ELP5: variants seen among roughly 807,000 people sequenced by gnomAD.
ELP5 encodes elongator acetyltransferase complex subunit 5, also known as elongator complex protein 5.
In ELP5, 34 loss-of-function variants were observed where a neutral mutation model predicts 33.4. The ratio of observed to expected loss-of-function variants is 1.02; its 90% CI spans 0.78 to 1.36. ELP5 has a LOEUF of 1.36. Ranked by LOEUF, ELP5 falls within the 40% of genes most tolerant of loss-of-function variation. The pLI, the probability that ELP5 is intolerant of heterozygous loss-of-function variation, is 0.00. For synonymous variants in ELP5, 161 were observed against 146.4 expected, an observed-to-expected ratio of 1.10 and a Z score of -0.72; for missense variants, 373 against 371.7, an observed-to-expected ratio of 1.00 and a Z score of -0.03.
intron 7 of ELP5, chr17:7,259,279 C>A: frequency 7.3e-7 from 1 of 1,376,196 alleles, no homozygotes; most frequent in Non-Finnish European, 9.4e-7. Flanking sequence ...GGGCTTAGTA[C>A]ACGCTTGCTG....
Position 7,256,734 on chromosome 17 carries a change from A to G in ELP5, c.410-123A>G, listed in dbSNP as rs974669965. The G allele has an allele frequency of 7.0e-5, 67 of 951,702 alleles. No homozygotes were observed. In the Admixed American group the frequency reaches 1.3e-3, roughly 19 times the overall value. The allele number at this position is 951,702 out of a possible 1,614,324, so 59.0% of individuals were successfully genotyped here. On this transcript the variant is annotated intron_variant, in intron 4 of 7. Transcript: ENST00000396628. Reference sequence around the variant, plus strand: ...TCAGAGCACGGTAGTGAGATTGGCCAAGGGACGTCAGGATTTTGGCAGCAC... The same window carrying G: ...TCAGAGCACGGTAGTGAGATTGGCCGAGGGACGTCAGGATTTTGGCAGCAC...
In ELP5 at chr17:7,252,967, C is replaced by A; in HGVS notation, c.157C>A (p.Arg53Ser). ...CTGTGAAGTGAGCGAGGAAGAGTTT[C>A]GTGAAGGTTTTGACTCTGATATCAA... The part of the protein sequence containing the change: ...LGCEVSEEEF[R>S]EGFDSDINNR... The change falls in exon 3 of 8, where the codon CGT becomes AGT. Residue 53 changes from arginine to serine, a missense_variant. By Grantham distance (110) the Arg-to-Ser change is moderately radical. Transcript: ENST00000396628. The A allele has an allele frequency of 6.2e-7, 1 of 1,614,116 alleles. No homozygotes were observed. Among genetic ancestry groups the A allele is most frequent in the Non-Finnish European group, 8.5e-7 (1 of 1,180,020 alleles).
chr17:7,257,998 G>A (rs2143001363), intron 5 of ELP5, among the ~76,000 whole-genome samples: 1 of 152,008 alleles, frequency 6.6e-6, no homozygotes, highest in South Asian at 2.1e-4. Flanking sequence ...AACCTGGGAG[G>A]CGGAGGTTGA....
Position 7,258,808 on chromosome 17 carries a change from C to T in ELP5, c.688-18C>T, listed in dbSNP as rs1433429924. ...TTCTAGGGATGGGGCAGAGTGGCAG[C>T]ATCCTTTGTACCTACAGGTGGATCC... On this transcript the variant is annotated intron_variant, in intron 6 of 7. Transcript: ENST00000396628. The T allele has an allele frequency of 6.2e-7, 1 of 1,614,176 alleles. No individual in the cohort carries two copies. Among genetic ancestry groups the T allele is most frequent in the Non-Finnish European group, 8.5e-7 (1 of 1,180,036 alleles).
chr17:7,252,994 A>C lies in ELP5; in HGVS notation c.184A>C (p.Asn62His), dbSNP rs753108681. 17 of 1,614,024 alleles carry C rather than the reference A, an allele frequency of 1.1e-5. No individual in the cohort carries two copies. Among genetic ancestry groups the C allele is most frequent in the Non-Finnish European group, 1.4e-5 (17 of 1,179,980 alleles). The change falls in exon 3 of 8, where the codon AAT (asparagine) becomes CAT (histidine). Residue 62 changes from asparagine to histidine, a missense_variant. Physicochemically the swap from Asn to His is moderately conservative, Grantham distance 68 (BLOSUM62 1). Transcript: ENST00000396628. ...TGAAGGTTTTGACTCTGATATCAACAATCGGTAAGTACCAGTTGGAAGAGA... is the reference window on the plus strand; with the variant it reads ...TGAAGGTTTTGACTCTGATATCAACCATCGGTAAGTACCAGTTGGAAGAGA... ...FREGFDSDIN[N>H]RLVYHDFFRD... is the part of the protein sequence containing the mutation.
rs376532056 is a variant in ELP5 at position 7,254,759 on chromosome 17, T to A, written c.365T>A (p.Leu122His). 6.2e-7 allele frequency: 1 copy of A among 1,613,986 alleles called. No homozygotes were observed. Among genetic ancestry groups the A allele is most frequent in the Non-Finnish European group, 8.5e-7 (1 of 1,180,010 alleles). Residue 122 changes from leucine to histidine, a missense_variant, in exon 4 of 8, where the codon CTC becomes CAC. Coordinates refer to ENST00000396628, the MANE Select transcript of ELP5 (RefSeq NM_203414.3). ...CTACTTCGCCTTCCCTGCACCACAC[T>A]CTGCCAGGTCCTGCATGCTGTGAGC... ...WLLLRLPCTT[L>H]CQVLHAVSHQ... is the part of the protein sequence containing the mutation.
intron 4 of ELP5, among the ~76,000 whole-genome samples, chr17:7,255,698 C>T (rs1053157979): frequency 6.6e-6 from 1 of 152,176 alleles, no homozygotes; most frequent in Admixed American, 6.5e-5. Context: ...TCACTTTCCC[C>T]TGTATATGGG....
intron 7 of ELP5, 166 bp from the exon 8 acceptor site, chr17:7,259,405 A>G (rs2072159534): frequency 6.9e-7 from 1 of 1,444,740 alleles, no homozygotes; most frequent in Admixed American, 2.8e-5. Context: ...CCCAGTACCA[A>G]ATGGTGCTTC....
At position 7,258,634 on chromosome 17, in the gene ELP5, AG is replaced by A; in HGVS notation, c.642del (p.Ser216LeufsTer2). ...ILPDFSLDLQ[E>X]GPSVESQPYS... The stretch of plus-strand genomic sequence containing the variant: ...CCGGACTTCAGCCTGGATCTCCAAG[AG>A]GGGCCCTCTGTAGAGTCCCAGCCCT... On this transcript the variant is annotated frameshift_variant, in exon 6 of 8. Coordinates refer to ENST00000396628, the MANE Select transcript of ELP5 (RefSeq NM_203414.3). LOFTEE classifies it high-confidence loss of function. 6.2e-7 allele frequency: 1 copy of A among 1,614,134 alleles called. No individual in the cohort carries two copies. The highest frequency in any genetic ancestry group is 1.3e-5 in the African/African-American group (1 of 75,014).
Position 7,253,707 on chromosome 17 carries a change from A to T in ELP5, c.188+709A>T, listed in dbSNP as rs1431621838. ...AGGCGGTGGTGTATGTTCAGATGGCATTCCATGGCTGGGCGCGGTGGCTCA... is the reference window on the plus strand; with the variant it reads ...AGGCGGTGGTGTATGTTCAGATGGCTTTCCATGGCTGGGCGCGGTGGCTCA... On this transcript the variant is annotated intron_variant, in intron 3 of 7. Coordinates refer to ENST00000396628, the MANE Select transcript of ELP5 (RefSeq NM_203414.3). Among the ~76,000 whole-genome samples, 9 of 152,326 alleles carry T rather than the reference A, an allele frequency of 5.9e-5. 1 individual carries two copies. Among genetic ancestry groups the T allele is most frequent in the African/African-American group, 1.9e-4 (8 of 41,572 alleles).
chr17:7,259,479 G>T, intron 7 of ELP5, 92 bp from the exon 8 acceptor site: 3 of 1,576,426 alleles, frequency 1.9e-6, no homozygotes, highest in Non-Finnish European at 2.6e-6. Context: ...GGCCTAACAG[G>T]TTGCCTGAAT....
At chr17:7,252,089 A>G (rs924854307), upstream of ELP5, 5 of 291,982 alleles carry the variant, frequency 1.7e-5, 1 homozygote, top group South Asian at 8.4e-5. Context: ...GCGGGTAGGT[A>G]TAAGGAAAGC....
At chr17:7,259,123 T>C (rs2072151546) in intron 7 of ELP5, 197 bp downstream of exon 7, 6 of 1,434,876 alleles carry the variant, frequency 4.2e-6, no homozygotes, top group South Asian at 1.5e-5. Context: ...CTCTCCCTTA[T>C]ACCCTTGGGT....
rs1299910899 is a variant in ELP5, at chr17:7,259,716, G to A, written c.*31G>A. On this transcript the variant is annotated 3_prime_UTR_variant, in exon 8 of 8. Coordinates refer to ENST00000396628, the MANE Select transcript of ELP5 (RefSeq NM_203414.3). ...CAGATTTGATTAGATTGTAATTGGAGGGGGCGCGGGAAGACTTTGGGCCCA... is the reference window on the plus strand; with the variant it reads ...CAGATTTGATTAGATTGTAATTGGAAGGGGCGCGGGAAGACTTTGGGCCCA... 1.9e-6 allele frequency: 3 copies of A among 1,613,836 alleles called. No homozygotes were observed. The highest frequency in any genetic ancestry group is 2.2e-5 in the South Asian group (2 of 91,070).
Position 7,254,611 on chromosome 17 carries a change from C to T in ELP5, c.217C>T (p.Pro73Ser), listed in dbSNP as rs761086568. The T allele has an allele frequency of 3.7e-6, 6 of 1,613,848 alleles. No individual in the cohort carries two copies. Among genetic ancestry groups the T allele is most frequent in the Middle Eastern group, 1.7e-4 (1 of 6,058 alleles). The change falls in exon 4 of 8, where the codon CCT (proline) becomes TCT (serine). Residue 73 changes from proline (P) to serine (S), a missense_variant. Pro to Ser is a moderately conservative substitution (Grantham distance 74). Transcript: ENST00000396628. ...RLVYHDFFRD[P>S]LNWSKTEEAF... ...GGTTTACCATGACTTCTTCAGAGAC[C>T]CTCTCAACTGGTCAAAAACTGAGGA...
Position 7,254,747 on chromosome 17 carries a change from C to T in ELP5, c.353C>T (p.Pro118Leu). 1.2e-6 allele frequency: 2 copies of T among 1,614,118 alleles called. No individual in the cohort carries two copies. Among genetic ancestry groups the T allele is most frequent in the Non-Finnish European group, 1.7e-6 (2 of 1,180,012 alleles). ...CTCAGCTGGCTGCTACTTCGCCTTC[C>T]CTGCACCACACTCTGCCAGGTCCTG... ...DSLSWLLLRLPCTTLCQVLHA... is the reference protein window; with the variant it reads ...DSLSWLLLRLLCTTLCQVLHA... The change falls in exon 4 of 8, where the codon CCC becomes CTC. Residue 118 changes from proline (P) to leucine (L), a missense_variant. Transcript: ENST00000396628.
At chr17:7,259,019 C>T in intron 7 of ELP5, 93 bp downstream of exon 7, 2 of 1,562,490 alleles carry the variant, frequency 1.3e-6, no homozygotes, top group South Asian at 2.4e-5. Flanking sequence ...ATTAACCTGA[C>T]TTTATAGGGA....
chr17:7,259,341 T>G, intron 7 of ELP5: 3 of 1,398,610 alleles, frequency 2.1e-6, no homozygotes, highest in Non-Finnish European at 2.8e-6. Flanking sequence ...ATCCTTGCCC[T>G]CAAGCTGCTA....
At chr17:7,257,574 G>A (rs2072106081) in intron 5 of ELP5, among the ~76,000 whole-genome samples, 1 of 151,898 alleles carries the variant, frequency 6.6e-6, no homozygotes, top group Non-Finnish European at 1.5e-5. Context: ...GGAGGTGGGA[G>A]CACAGGCATG....
Sources: gnomAD v4.1 joint callset for allele counts (sites outside exome capture counted in the v4.1 genomes callset) on GRCh38, gnomAD v4.1.1 for gene constraint, MANE v1.5 for transcripts, NCBI Gene and HGNC (gene_info 2026-07-23, HGNC 2026-07-21) for gene names.